CDH12: variants seen among roughly 807,000 people sequenced by gnomAD.
CDH12 encodes the protein cadherin-12.
CDH12 carries 41 observed loss-of-function variants against 74.1 expected under a neutral mutation model. The observed-to-expected ratio is 0.55, with a 90% CI of 0.43 to 0.72. The LOEUF (loss-of-function observed/expected upper bound fraction) is 0.72. CDH12 is among the 30% of genes least tolerant of loss of function. The probability of loss-of-function intolerance (pLI) is 0.00; values close to 1 mark genes in which losing one functional copy is unlikely to be tolerated. For synonymous variants in CDH12, 399 were observed against 355.0 expected, an observed-to-expected ratio of 1.12 and a Z score of -1.39; for missense variants, 945 against 977.2, an observed-to-expected ratio of 0.97 and a Z score of 0.44.
chr5:21,803,226 G>A lies in CDH12; in HGVS notation c.1003-806C>T, dbSNP rs1017795682. Among the ~76,000 whole-genome samples the A allele has an allele frequency of 4.6e-5, 7 of 151,904 alleles. No individual in the cohort carries two copies. In the East Asian group the frequency reaches 1.4e-3, roughly 29 times the overall value. On this transcript the variant is annotated intron_variant, in intron 9 of 14. Transcript: ENST00000382254. ...CCATATTTTGTTGTCTTATTTTATG[G>A]CATCTTATATTAAATACTTTTGGAT...
intron 3 of CDH12, among the ~76,000 whole-genome samples, chr5:22,264,911 TG>T (rs1753652463): frequency 6.6e-6 from 1 of 152,154 alleles, no homozygotes; most frequent in African/African-American, 2.4e-5. Flanking sequence ...CACCCCAAAT[TG>T]TTTATGGCGA....
At chr5:22,650,705 G>A (rs1316036555) in intron 1 of CDH12, among the ~76,000 whole-genome samples, 2 of 152,000 alleles carry the variant, frequency 1.3e-5, no homozygotes, top group Non-Finnish European at 2.9e-5. Flanking sequence ...GATAACAAGT[G>A]CAAAATGATA....
At chr5:22,178,609 C>T (rs982615710) in intron 4 of CDH12, among the ~76,000 whole-genome samples, 4 of 152,080 alleles carry the variant, frequency 2.6e-5, no homozygotes, top group African/African-American at 9.7e-5. Context: ...TGGCAAGTTG[C>T]CATTCTGAAG....
intron 1 of CDH12, among the ~76,000 whole-genome samples, chr5:22,770,115 G>A (rs1410922618): frequency 6.7e-6 from 1 of 149,468 alleles, no homozygotes; most frequent in South Asian, 2.1e-4. Flanking sequence ...GTCCCCAGGC[G>A]TGAACTTTTA....
chr5:22,791,503 G>T (rs75614431), intron 1 of CDH12, among the ~76,000 whole-genome samples: 2,883 of 152,264 alleles, frequency 0.019, 46 homozygotes, highest in Non-Finnish European at 0.029. Flanking sequence ...AATGTAGAAA[G>T]ACATTGTTCA....
intron 6 of CDH12, among the ~76,000 whole-genome samples, chr5:21,962,272 C>A (rs1756393387): frequency 6.6e-6 from 1 of 151,972 alleles, no homozygotes; most frequent in Admixed American, 6.6e-5. Flanking sequence ...TTATTTTAAT[C>A]ATTTTCCTCT....
Position 22,516,633 on chromosome 5 carries a change from A to G in CDH12, c.-522-11269T>C, listed in dbSNP as rs368970766. Among the ~76,000 whole-genome samples, 44 of 152,176 alleles carry G rather than the reference A, an allele frequency of 2.9e-4. No homozygotes were observed. In the East Asian group the frequency reaches 3.1e-3, roughly 11 times the overall value. Reference sequence around the variant, plus strand: ...AACATGGCGAAACCTTGTCTCCACAAAAAATACAAAAATTAGCAGGGCATG... The same window carrying G: ...AACATGGCGAAACCTTGTCTCCACAGAAAATACAAAAATTAGCAGGGCATG... On this transcript the variant is annotated intron_variant, in intron 1 of 14. Transcript: ENST00000382254.
rs567746138 is a variant in CDH12, at chr5:22,823,313, G to A, written c.-523+29745C>T. On this transcript the variant is annotated intron_variant, in intron 1 of 14. Coordinates refer to ENST00000382254, the MANE Select transcript of CDH12 (RefSeq NM_004061.5). ...ACGAGTTAATGGGTGCAGCGCACCA[G>A]CATGGCACATGTATACATATGTAAC... is the stretch of plus-strand genomic sequence containing the variant. Among the ~76,000 whole-genome samples the A allele has an allele frequency of 9.7e-4, 148 of 152,100 alleles. 2 individuals are homozygous for A. The highest frequency in any genetic ancestry group is 3.0e-3 in the Admixed American group (46 of 15,262).
chr5:22,271,143 T>C (rs1469060603), intron 3 of CDH12, among the ~76,000 whole-genome samples: 1 of 152,198 alleles, frequency 6.6e-6, no homozygotes, highest in Non-Finnish European at 1.5e-5. Context: ...TTGGAGTCAA[T>C]TCTCTCAAAC....
chr5:22,614,286 G>A (rs1329555324), intron 1 of CDH12, among the ~76,000 whole-genome samples: 1 of 152,090 alleles, frequency 6.6e-6, no homozygotes, highest in East Asian at 1.9e-4. Context: ...AATGGGAAAA[G>A]CAGACATACA....
chr5:22,238,807 G>T (rs1752647808), intron 3 of CDH12, among the ~76,000 whole-genome samples: 1 of 152,126 alleles, frequency 6.6e-6, no homozygotes, highest in South Asian at 2.1e-4. Context: ...ACATGTATAT[G>T]GCCATCTTGT....
chr5:21,974,013 T>C (rs531823301), intron 6 of CDH12, among the ~76,000 whole-genome samples: 99 of 152,110 alleles, frequency 6.5e-4, no homozygotes, highest in Middle Eastern at 3.4e-3. Context: ...GGAGAGATTA[T>C]GGTCCTTAAA....
intron 1 of CDH12, among the ~76,000 whole-genome samples, chr5:22,769,546 T>C (rs1452938977): frequency 6.6e-6 from 1 of 152,064 alleles, no homozygotes; most frequent in Non-Finnish European, 1.5e-5. Context: ...AGCTTGGAGA[T>C]AGCCTATCGT....
At chr5:22,435,017 A>C (rs186527723) in intron 2 of CDH12, among the ~76,000 whole-genome samples, 4 of 152,128 alleles carry the variant, frequency 2.6e-5, no homozygotes, top group Non-Finnish European at 4.4e-5. Flanking sequence ...GATGGTTAAT[A>C]GTGAGTGTTA....
chr5:22,751,857 T>G (rs1045496857), intron 1 of CDH12, among the ~76,000 whole-genome samples: 2 of 152,226 alleles, frequency 1.3e-5, no homozygotes, highest in African/African-American at 4.8e-5. Context: ...AGTGTCATTA[T>G]ATGAATATAA....
intron 10 of CDH12, among the ~76,000 whole-genome samples, chr5:21,798,309 T>C (rs1746909765): frequency 6.6e-6 from 1 of 151,940 alleles, no homozygotes; most frequent in Non-Finnish European, 1.5e-5. Context: ...AAACCATATA[T>C]GGTTTTCTGG....
intron 1 of CDH12, among the ~76,000 whole-genome samples, chr5:22,677,945 C>T (rs1047861168): frequency 5.3e-5 from 8 of 151,504 alleles, no homozygotes; most frequent in South Asian, 2.1e-4. Flanking sequence ...GTGTGTATGT[C>T]TCCCTTTTTA....
chr5:22,051,566 G>C (rs563014903), intron 5 of CDH12, among the ~76,000 whole-genome samples: 4 of 152,124 alleles, frequency 2.6e-5, no homozygotes, highest in South Asian at 4.1e-4. Flanking sequence ...CAGTGACCTT[G>C]GTCACGCTGT....
chr5:22,724,288 G>T (rs138692706), intron 1 of CDH12, among the ~76,000 whole-genome samples: 1 of 151,508 alleles, frequency 6.6e-6, no homozygotes, highest in Admixed American at 6.6e-5. Context: ...GTGTTAATGG[G>T]TAAGTCATTT....
Sources: gnomAD v4.1 joint callset for allele counts (sites outside exome capture counted in the v4.1 genomes callset) on GRCh38, gnomAD v4.1.1 for gene constraint, MANE v1.5 for transcripts, NCBI Gene and HGNC (gene_info 2026-07-23, HGNC 2026-07-21) for gene names.